Variants in ARMC2 observed in about 807,000 individuals in gnomAD.
ARMC2 encodes the protein armadillo repeat containing 2.
In ARMC2, 67 loss-of-function variants were observed where a neutral mutation model predicts 90.3. The ratio of observed to expected loss-of-function variants is 0.74; its 90% CI spans 0.61 to 0.91. The LOEUF (loss-of-function observed/expected upper bound fraction) is 0.91. Among genes scored for constraint, ARMC2 ranks in the 40% least tolerant of loss-of-function variants. The pLI is 0.00. For missense variants in ARMC2, 920 were observed against 1,030.9 expected (o/e 0.89, Z 1.47); for synonymous variants, 393 against 393.0 (o/e 1.00, Z 0.00).
chr6:109,002,502 T>C, the ARMC2 span, among the ~76,000 whole-genome samples: 1 of 152,186 alleles, frequency 6.6e-6, no homozygotes, highest in African/African-American at 2.4e-5. Context: ...TCTGTTAGCA[T>C]TACATAGCTA....
At chr6:109,039,138 G>A in the ARMC2 span, among the ~76,000 whole-genome samples, 1 of 145,938 alleles carries the variant, frequency 6.9e-6, no homozygotes, top group East Asian at 2.1e-4. Flanking sequence ...GAGAAAGAAA[G>A]AAGAGGAGAA....
At chr6:109,025,677 TATA>T in the ARMC2 span, among the ~76,000 whole-genome samples, 11 of 151,980 alleles carry the variant, frequency 7.2e-5, no homozygotes, top group African/African-American at 2.4e-4. Flanking sequence ...AAATAGTTTT[TATA>T]ATAATTAAAA....
At chr6:109,027,884 T>C in the ARMC2 span, among the ~76,000 whole-genome samples, 1 of 152,244 alleles carries the variant, frequency 6.6e-6, no homozygotes, top group African/African-American at 2.4e-5. Flanking sequence ...ATTTGTGAAG[T>C]ATCAGTTCAA....
chr6:108,895,501 A>AAAG (rs1554245270), intron 6 of ARMC2, among the ~76,000 whole-genome samples: 63 of 149,632 alleles, frequency 4.2e-4, no homozygotes, highest in East Asian at 2.7e-3. Context: ...AAAAAAAAAA[A>AAAG]GATAATTGCT....
chr6:108,958,241 C>G (rs1429884329), intron 13 of ARMC2, among the ~76,000 whole-genome samples: 1 of 152,138 alleles, frequency 6.6e-6, no homozygotes, highest in Non-Finnish European at 1.5e-5. Flanking sequence ...GCCTCCGTAA[C>G]TGTGAGAAAA....
At chr6:108,970,487 CTCTTT>C (rs1278152327) in intron 17 of ARMC2, among the ~76,000 whole-genome samples, 3 of 144,202 alleles carry the variant, frequency 2.1e-5, no homozygotes, top group Admixed American at 7.1e-5. Flanking sequence ...TCTTTTTCTT[CTCTTT>C]TCTTTTTTTT....
At chr6:109,005,332 A>G in the ARMC2 span, among the ~76,000 whole-genome samples, 2 of 152,188 alleles carry the variant, frequency 1.3e-5, no homozygotes, top group African/African-American at 4.8e-5. Flanking sequence ...AAAGTGCAGA[A>G]TATGTATATA....
the ARMC2 span, among the ~76,000 whole-genome samples, chr6:109,048,298 T>C: frequency 5.7e-3 from 868 of 152,224 alleles, 8 homozygotes; most frequent in African/African-American, 0.019. Context: ...GGTGAATAGT[T>C]TGAGGAGCCA....
intron 5 of ARMC2, among the ~76,000 whole-genome samples, chr6:108,878,451 G>T (rs1777149591): frequency 6.6e-6 from 1 of 152,188 alleles, no homozygotes; most frequent in Non-Finnish European, 1.5e-5. Context: ...TGTGACAGCG[G>T]TCACCTGTGT....
At chr6:109,014,355 T>G in the ARMC2 span, among the ~76,000 whole-genome samples, 1 of 152,330 alleles carries the variant, frequency 6.6e-6, no homozygotes, top group Middle Eastern at 3.4e-3. Context: ...TGTAATTATT[T>G]TTATTTTACA....
intron 11 of ARMC2, 99 bp from the exon 12 acceptor site, chr6:108,936,801 C>G (rs532206946): frequency 1.0e-6 from 1 of 959,466 alleles, no homozygotes; most frequent in African/African-American, 1.6e-5. Flanking sequence ...TTGAACTGGG[C>G]AATGTTTTGA....
rs777259430 is a variant in ARMC2, at chr6:108,964,176, G to A, written c.2153-4G>A. On this transcript the variant is annotated splice_polypyrimidine_tract_variant and splice_region_variant and intron_variant, in intron 15 of 17. Coordinates refer to ENST00000392644, the MANE Select transcript of ARMC2 (RefSeq NM_032131.6). ...TGGTCTGCATTTGCTCTCTTCCCTCGTAGTCCACAGGTTCATGATGGCGCT... is the reference window on the plus strand; with the variant it reads ...TGGTCTGCATTTGCTCTCTTCCCTCATAGTCCACAGGTTCATGATGGCGCT... The A allele has an allele frequency of 3.4e-5, 54 of 1,611,834 alleles. 1 individual carries two copies. The South Asian group carries it at 3.7e-4, about 11-fold the overall frequency.
chr6:109,001,157 GA>G, the ARMC2 span: 1 of 786,126 alleles, frequency 1.3e-6, no homozygotes, highest in African/African-American at 1.8e-5. Flanking sequence ...AGGAAAAACA[GA>G]GACTGTGCAA....
At chr6:108,869,078 T>G in intron 4 of ARMC2, 83 bp downstream of exon 4, 1 of 1,395,280 alleles carries the variant, frequency 7.2e-7, no homozygotes. Context: ...TATATGATTT[T>G]TCCTAACCCT....
At chr6:108,898,937 G>A (rs571614335) in intron 6 of ARMC2, among the ~76,000 whole-genome samples, 1 of 152,168 alleles carries the variant, frequency 6.6e-6, no homozygotes, top group African/African-American at 2.4e-5. Context: ...CTGCAGGGGT[G>A]ATAACATGTT....
intron 17 of ARMC2, among the ~76,000 whole-genome samples, 161 bp downstream of exon 17, chr6:108,965,301 C>A (rs953700542): frequency 6.7e-6 from 1 of 150,250 alleles, no homozygotes; most frequent in Non-Finnish European, 1.5e-5. Flanking sequence ...ACTGAAAAGG[C>A]TGAATGCTAT....
chr6:108,895,410 G>A (rs1295482200), intron 6 of ARMC2, among the ~76,000 whole-genome samples: 1 of 150,844 alleles, frequency 6.6e-6, no homozygotes, highest in Non-Finnish European at 1.5e-5. Context: ...CTTGAACCCA[G>A]GAGATGGAGT....
chr6:108,908,569 G>A (rs1350659130), intron 8 of ARMC2, among the ~76,000 whole-genome samples: 1 of 152,148 alleles, frequency 6.6e-6, no homozygotes, highest in Admixed American at 6.5e-5. Flanking sequence ...AGACCAGCCT[G>A]GGCAACATCT....
At chr6:108,922,774 A>G (rs537310177) in intron 10 of ARMC2, among the ~76,000 whole-genome samples, 143 of 152,194 alleles carry the variant, frequency 9.4e-4, no homozygotes, top group Non-Finnish European at 1.9e-3. Context: ...GTTATGATCA[A>G]ATAATTTGGG....
Sources: allele counts gnomAD v4.1 joint callset (sites outside exome capture counted in the v4.1 genomes callset), GRCh38; gene constraint gnomAD v4.1.1; transcripts MANE v1.5; gene names NCBI Gene and HGNC (gene_info 2026-07-23, HGNC 2026-07-21).